The following COL27A1 variants were observed in gnomAD, a reference collection of about 807,000 sequenced individuals.
COL27A1 encodes the protein collagen alpha-1(XXVII) chain.
In COL27A1, 106 loss-of-function variants were observed where a neutral mutation model predicts 251.3. The observed-to-expected ratio is 0.42, with a 90% CI of 0.36 to 0.50. The LOEUF (loss-of-function observed/expected upper bound fraction) is 0.50. COL27A1 is among the 20% of genes least tolerant of loss of function. The pLI, the probability that COL27A1 is intolerant of heterozygous loss-of-function variation, is 0.00. For missense variants in COL27A1, 2,325 were observed against 2,522.8 expected (o/e 0.92, Z 1.68); for synonymous variants, 1,000 against 986.3 (o/e 1.01, Z -0.26).
chr9:114,164,613 G>A (rs761885047), intron 2 of COL27A1, among the ~76,000 whole-genome samples: 5 of 152,212 alleles, frequency 3.3e-5, no homozygotes, highest in South Asian at 2.1e-4. Flanking sequence ...GGGGCCCTCC[G>A]GGGGTTGTTG....
intron 5 of COL27A1, among the ~76,000 whole-genome samples, chr9:114,184,422 G>C (rs1388365862): frequency 6.6e-6 from 1 of 152,232 alleles, no homozygotes; most frequent in Non-Finnish European, 1.5e-5. Flanking sequence ...GTAGCCCTGG[G>C]CATATGGATC....
intron 49 of COL27A1, among the ~76,000 whole-genome samples, chr9:114,296,833 G>A (rs544789306): frequency 6.6e-6 from 1 of 152,184 alleles, no homozygotes; most frequent in Non-Finnish European, 1.5e-5. Flanking sequence ...AATAGATAAA[G>A]TGTGGTATAT....
chr9:114,168,657 C>A lies in COL27A1; in HGVS notation c.1102C>A (p.Leu368Ile), dbSNP rs2135080140. ...CACAGCCACCAAAATCCCCAAAAGC[C>A]TCCCTACCAAGCCTTCGGCCCCTTC... is the stretch of plus-strand genomic sequence containing the variant. ...KITATKIPKS[L>I]PTKPSAPSTS... Residue 368 changes from leucine (L) to isoleucine (I), a missense_variant, in exon 3 of 61, where the codon CTC becomes ATC. By Grantham distance (5) the Leu-to-Ile change is conservative. Transcript: ENST00000356083. 6.2e-7 allele frequency: 1 copy of A among 1,614,166 alleles called. No individual in the cohort carries two copies.
intron 37 of COL27A1, among the ~76,000 whole-genome samples, chr9:114,278,447 G>GTGGTGGTGGT (rs1426081384): frequency 1.8e-4 from 1 of 5,428 alleles, no homozygotes; most frequent in Non-Finnish European, 5.4e-4. Flanking sequence ...GATGATGATG[G>GTGGTGGTGGT]GGCACTGATG....
At chr9:114,265,351 CT>C in intron 31 of COL27A1, 70 bp from the exon 32 acceptor site, 2 of 1,512,930 alleles carry the variant, frequency 1.3e-6, no homozygotes, top group Non-Finnish European at 1.8e-6. Flanking sequence ...ACTAGGATGG[CT>C]TGCTTGAAAT....
intron 12 of COL27A1, among the ~76,000 whole-genome samples, chr9:114,214,368 A>T (rs566787180): frequency 1.3e-4 from 20 of 152,222 alleles, no homozygotes; most frequent in Non-Finnish European, 2.6e-4. Context: ...CATTTCTGGC[A>T]GGGCTGGTGA....
At chr9:114,252,346 C>CACT (rs1420232229) in intron 25 of COL27A1, among the ~76,000 whole-genome samples, 1 of 152,202 alleles carries the variant, frequency 6.6e-6, no homozygotes, top group Non-Finnish European at 1.5e-5. Flanking sequence ...GAGGGAAATT[C>CACT]ACTGCGTGGC....
chr9:114,165,827 TATCC>T (rs146615632), intron 2 of COL27A1, among the ~76,000 whole-genome samples: 62,595 of 135,474 alleles, frequency 0.46, 14,374 homozygotes, highest in East Asian at 0.74. Context: ...AGGCATTATT[TATCC>T]ATCCATCCAT....
At chr9:114,252,981 G>T in intron 27 of COL27A1, 49 bp downstream of exon 27, 1 of 1,497,784 alleles carries the variant, frequency 6.7e-7, no homozygotes, top group Non-Finnish European at 9.2e-7. Flanking sequence ...GTCAGATAAG[G>T]GTTAGGTGGC....
intron 32 of COL27A1, 105 bp downstream of exon 32, chr9:114,265,580 C>A: frequency 2.6e-6 from 3 of 1,138,630 alleles, no homozygotes; most frequent in Middle Eastern, 2.1e-4. Flanking sequence ...CCATGCCTGG[C>A]CTCTAACCCG....
intron 16 of COL27A1, among the ~76,000 whole-genome samples, chr9:114,234,778 G>T (rs189003533): frequency 6.6e-6 from 1 of 152,176 alleles, no homozygotes; most frequent in African/African-American, 2.4e-5. Context: ...GATTAAAATA[G>T]TTAATTAGAA....
chr9:114,166,521 C>A (rs1172264573), intron 2 of COL27A1, among the ~76,000 whole-genome samples: 2 of 152,140 alleles, frequency 1.3e-5, no homozygotes, highest in African/African-American at 4.8e-5. Flanking sequence ...CCAAGTGTTG[C>A]ATTCAGCCCC....
At chr9:114,158,704 C>T (rs930291917) in intron 1 of COL27A1, among the ~76,000 whole-genome samples, 2 of 152,200 alleles carry the variant, frequency 1.3e-5, no homozygotes, top group Admixed American at 6.5e-5. Context: ...GCAAAAGAAT[C>T]GGCAGGGCCT....
At chr9:114,180,208 T>C (rs1564436200) in intron 4 of COL27A1, among the ~76,000 whole-genome samples, 1 of 152,164 alleles carries the variant, frequency 6.6e-6, no homozygotes, top group Non-Finnish European at 1.5e-5. Context: ...CCTCCAGAGA[T>C]AGGCCTCGGT....
intron 7 of COL27A1, among the ~76,000 whole-genome samples, chr9:114,197,635 G>A (rs186527409): frequency 6.6e-6 from 1 of 152,192 alleles, no homozygotes; most frequent in African/African-American, 2.4e-5. Context: ...CCTCCCTGGG[G>A]TGCCAGGGCT....
In COL27A1 at chr9:114,194,309, T is replaced by C. The variant is rs1156352780; in HGVS notation, c.2017-95T>C. The C allele has an allele frequency of 2.5e-6, 3 of 1,222,072 alleles. No homozygotes were observed. In the African/African-American group the frequency reaches 4.5e-5, roughly 18 times the overall value. The allele number at this position is 1,222,072 out of a possible 1,614,324, so 75.7% of individuals were successfully genotyped here. On this transcript the variant is annotated intron_variant, in intron 5 of 60. Transcript: ENST00000356083. ...GTGGGAGGATGGATGGGAAGGCATTTAAGCAAGGGAGCAGGGCTTTGAGCA... is the reference window on the plus strand; with the variant it reads ...GTGGGAGGATGGATGGGAAGGCATTCAAGCAAGGGAGCAGGGCTTTGAGCA...
chr9:114,308,301 A>G (rs1256767227), intron 59 of COL27A1, among the ~76,000 whole-genome samples: 5 of 152,142 alleles, frequency 3.3e-5, no homozygotes, highest in African/African-American at 1.2e-4. Context: ...TCCTCAGTGG[A>G]TTGTGGGTCT....
rs1374504388 is a variant in COL27A1 at position 114,231,149 on chromosome 9, C to T, written c.2520+17C>T. ...GGCATGAAGGTAAGCAAGGGATGTT[C>T]CCCCGATTCAGGCCTTGTCCAAGCT... On this transcript the variant is annotated intron_variant, in intron 15 of 60. Transcript: ENST00000356083. The T allele has an allele frequency of 6.2e-7, 1 of 1,612,406 alleles. No individual in the cohort carries two copies. Among genetic ancestry groups the T allele is most frequent in the Non-Finnish European group, 8.5e-7 (1 of 1,179,034 alleles).
At chr9:114,253,276 A>G (rs540145334) in intron 27 of COL27A1, among the ~76,000 whole-genome samples, 1 of 149,790 alleles carries the variant, frequency 6.7e-6, no homozygotes, top group East Asian at 1.9e-4. Flanking sequence ...AGAAAGGAAA[A>G]GAAAGAAAGA....
Sources: gnomAD v4.1 joint callset for allele counts (sites outside exome capture counted in the v4.1 genomes callset) on GRCh38, gnomAD v4.1.1 for gene constraint, MANE v1.5 for transcripts, NCBI Gene and HGNC (gene_info 2026-07-23, HGNC 2026-07-21) for gene names.